The following CBFB variants were observed in gnomAD, a reference collection of about 807,000 sequenced individuals.
CBFB encodes CBF-beta.
In CBFB, 9 loss-of-function variants were observed where a neutral mutation model predicts 30.4. The observed-to-expected ratio is 0.30, with a 90% CI of 0.18 to 0.52. CBFB has a LOEUF of 0.52. CBFB is among the 20% of genes least tolerant of loss of function. The pLI is 0.97. For synonymous variants in CBFB, 94 were observed against 84.0 expected, an observed-to-expected ratio of 1.12 and a Z score of -0.65; for missense variants, 170 against 244.0, an observed-to-expected ratio of 0.70 and a Z score of 2.02.
chr16:67,081,193 G>T (rs1393003101), intron 4 of CBFB, among the ~76,000 whole-genome samples: 1 of 133,088 alleles, frequency 7.5e-6, no homozygotes, highest in Non-Finnish European at 1.5e-5. Flanking sequence ...TGTTCTCATT[G>T]TTCAATTCCC....
At chr16:67,066,929 C>G (rs1307559680) in intron 4 of CBFB, 131 bp downstream of exon 4, 3 of 502,358 alleles carry the variant, frequency 6.0e-6, no homozygotes. Flanking sequence ...ATTGAGGAAT[C>G]CTGAAAATGT....
chr16:67,054,988 G>A (rs1171584059), intron 3 of CBFB, among the ~76,000 whole-genome samples: 1 of 149,328 alleles, frequency 6.7e-6, no homozygotes, highest in Admixed American at 6.7e-5. Context: ...TTTTGTGTGT[G>A]CTACAAATGT....
intron 4 of CBFB, among the ~76,000 whole-genome samples, chr16:67,069,791 A>G (rs1961167351): frequency 1.3e-5 from 2 of 152,212 alleles, no homozygotes; most frequent in Non-Finnish European, 2.9e-5. Flanking sequence ...CATAGAGGCT[A>G]GAAAGTTGTG....
chr16:67,066,756 G>A lies in CBFB; in HGVS notation c.357G>A (p.Leu119=). The A allele has an allele frequency of 6.2e-7, 1 of 1,610,224 alleles. No individual in the cohort carries two copies. Among genetic ancestry groups the A allele is most frequent in the South Asian group, 1.1e-5 (1 of 90,946 alleles). Residue 119 remains leucine, a synonymous_variant, in exon 4 of 6, where the codon CTG becomes CTA. Transcript: ENST00000412916. ...IWKGWIDLQR[L]DGMGCLEFDE... is the part of the protein sequence containing the mutation. ...AAGGCTGGATTGATCTCCAAAGACT[G>A]GATGGTATGGGCTGTCTGGAGTTTG...
rs1203294364 is a variant in CBFB, at chr16:67,081,454, AC to A, written c.400-758del. Among the ~76,000 whole-genome samples, 7 of 151,846 alleles carry A rather than the reference AC, an allele frequency of 4.6e-5. No individual in the cohort carries two copies. The East Asian group carries it at 1.4e-3, about 29-fold the overall frequency. ...TGATAGACTGGATTAAGAAAATCTG[AC>A]TTTTTTTTTAATGGTGTTGATGTTT... On this transcript the variant is annotated intron_variant, in intron 4 of 5. Transcript: ENST00000412916.
chr16:67,041,917 T>TA (rs1487039385), intron 3 of CBFB, among the ~76,000 whole-genome samples: 9 of 149,982 alleles, frequency 6.0e-5, no homozygotes, highest in Admixed American at 4.0e-4. Context: ...TTTTTTTTTT[T>TA]ACCCCTGACA....
At chr16:67,098,133 T>G (rs1962110607) in intron 5 of CBFB, among the ~76,000 whole-genome samples, 1 of 151,998 alleles carries the variant, frequency 6.6e-6, no homozygotes, top group South Asian at 2.1e-4. Context: ...TTTGTTTGTT[T>G]GTTTGTTTGT....
At chr16:67,083,359 G>C (rs1306878196) in intron 5 of CBFB, among the ~76,000 whole-genome samples, 3 of 150,646 alleles carry the variant, frequency 2.0e-5, no homozygotes, top group Non-Finnish European at 1.5e-5. Flanking sequence ...ACAGTAGCGT[G>C]ATCTCGGCTC....
chr16:67,029,685 C>T lies in CBFB; in HGVS notation c.79-42C>T. 2.6e-6 allele frequency: 4 copies of T among 1,527,758 alleles called. No homozygotes were observed. The African/African-American group carries it at 4.3e-5, about 16-fold the overall frequency. The allele number at this position is 1,527,758 out of a possible 1,614,324, so 94.6% of individuals were successfully genotyped here. ...TGGGAGGGCGGGCGCGCGGGCGGCG[C>T]CGCGGATTTGGCTCCTGATTTCGGG... On this transcript the variant is annotated intron_variant, in intron 1 of 5. Coordinates refer to ENST00000412916, the MANE Select transcript of CBFB (RefSeq NM_022845.3).
At chr16:67,075,444 G>A (rs1453285925) in intron 4 of CBFB, among the ~76,000 whole-genome samples, 5 of 152,172 alleles carry the variant, frequency 3.3e-5, no homozygotes, top group African/African-American at 1.2e-4. Flanking sequence ...GAAGAAGACA[G>A]TACCAAACAT....
At chr16:67,075,197 A>ATATGTATGTGTGTG (rs369475383) in intron 4 of CBFB, among the ~76,000 whole-genome samples, 1 of 142,662 alleles carries the variant, frequency 7.0e-6, no homozygotes, top group Non-Finnish European at 1.5e-5. Context: ...CTCAAAAAAA[A>ATATGTATGTGTGTG]TGTGTGTGTG....
At chr16:67,054,150 T>A (rs1211246326) in intron 3 of CBFB, among the ~76,000 whole-genome samples, 1 of 152,140 alleles carries the variant, frequency 6.6e-6, no homozygotes, top group Non-Finnish European at 1.5e-5. Flanking sequence ...TCTTTTTGTT[T>A]CTTTTTCAGT....
In CBFB at chr16:67,098,428, C is replaced by T. The variant is rs1189123856; in HGVS notation, c.496-282C>T. The stretch of plus-strand genomic sequence containing the variant: ...CTGGGATTACAGGCATGAGCCACTG[C>T]GCCCAGTGCTAGATTTGTTGTTATT... On this transcript the variant is annotated intron_variant, in intron 5 of 5. Transcript: ENST00000412916. 3.3e-5 allele frequency among the ~76,000 whole-genome samples: 5 copies of T among 152,114 alleles called. No individual in the cohort carries two copies. The South Asian group carries it at 8.3e-4, about 25-fold the overall frequency.
chr16:67,082,610 C>G (rs1359802951), intron 5 of CBFB, among the ~76,000 whole-genome samples: 1 of 151,654 alleles, frequency 6.6e-6, no homozygotes, highest in Non-Finnish European at 1.5e-5. Context: ...TCTTATTTTT[C>G]AAATTATTTG....
chr16:67,067,457 G>A (rs1961093431), intron 4 of CBFB, among the ~76,000 whole-genome samples: 1 of 152,192 alleles, frequency 6.6e-6, no homozygotes, highest in South Asian at 2.1e-4. Flanking sequence ...GGCAGAGATT[G>A]CGGTGAGCCG....
At chr16:67,089,282 C>T (rs536374190) in intron 5 of CBFB, among the ~76,000 whole-genome samples, 48 of 152,154 alleles carry the variant, frequency 3.2e-4, no homozygotes, top group Non-Finnish European at 1.3e-4. Context: ...GGGTATTTTT[C>T]CTACTCTGTG....
At position 67,100,381 on chromosome 16, in the gene CBFB, T is replaced by C. The variant is rs768298750; in HGVS notation, c.*1603T>C. 4.5e-6 allele frequency: 1 copy of C among 221,736 alleles called. No individual in the cohort carries two copies. Among genetic ancestry groups the C allele is most frequent in the Non-Finnish European group, 9.0e-6 (1 of 110,696 alleles). The allele number at this position is 221,736 out of a possible 1,614,324, so 13.7% of individuals were successfully genotyped here. A position where few individuals can be genotyped will look rare whatever the true frequency, so the allele number is the denominator to read the frequency against. On this transcript the variant is annotated 3_prime_UTR_variant, in exon 6 of 6. Transcript: ENST00000412916. Reference sequence around the variant, plus strand: ...CTGTATCAAATAAAAGTATTTGTTATATATTTGAAGTTATGCATGGAAAGG... The same window carrying C: ...CTGTATCAAATAAAAGTATTTGTTACATATTTGAAGTTATGCATGGAAAGG...
At chr16:67,093,368 GTTTTTTTTTTTTTT>G in intron 5 of CBFB, 1 of 96,828 alleles carries the variant, frequency 1.0e-5, no homozygotes, top group Admixed American at 1.0e-4. Flanking sequence ...TTTTCAGCAG[GTTTTTTTTTTTTTT>G]TTTTTTTTTT....
At chr16:67,090,800 T>C (rs1658103801) in intron 5 of CBFB, among the ~76,000 whole-genome samples, 2 of 152,252 alleles carry the variant, frequency 1.3e-5, no homozygotes, top group Admixed American at 6.5e-5. Flanking sequence ...ATGAGCAATT[T>C]TAATACAATT....
Sources: gnomAD v4.1 joint callset for allele counts (sites outside exome capture counted in the v4.1 genomes callset) on GRCh38, gnomAD v4.1.1 for gene constraint, MANE v1.5 for transcripts, NCBI Gene and HGNC (gene_info 2026-07-23, HGNC 2026-07-21) for gene names.